The following MCTP1 variants were observed in gnomAD, a reference collection of about 807,000 sequenced individuals.
The protein encoded by MCTP1 is multiple C2 and transmembrane domain-containing protein 1.
MCTP1 carries 69 observed loss-of-function variants against 120.6 expected under a neutral mutation model. The observed-to-expected ratio is 0.57, with a 90% CI of 0.47 to 0.70. MCTP1 has a LOEUF of 0.70. Ranked by LOEUF, MCTP1 falls within the 30% of genes least tolerant of loss-of-function variation. The pLI is 0.00. For missense variants in MCTP1, 1,203 were observed against 1,248.8 expected (o/e 0.96, Z 0.55); for synonymous variants, 529 against 493.1 (o/e 1.07, Z -0.96).
intron 18 of MCTP1, among the ~76,000 whole-genome samples, chr5:94,785,299 ACT>A: frequency 1.3e-5 from 2 of 152,046 alleles, no homozygotes. Flanking sequence ...GTTTATTTGA[ACT>A]CTGTCTCCAT....
chr5:94,826,360 C>A, intron 17 of MCTP1: 1 of 573,130 alleles, frequency 1.7e-6, no homozygotes, highest in Non-Finnish European at 3.2e-6. Flanking sequence ...TTGATGAAGG[C>A]AAAGAAGCTG....
chr5:94,870,270 G>T, intron 16 of MCTP1, 147 bp downstream of exon 16: 1 of 583,784 alleles, frequency 1.7e-6, no homozygotes, highest in Non-Finnish European at 3.0e-6. Context: ...CAGAAAGAAT[G>T]AAAGAAAGCG....
At chr5:94,866,089 A>C (rs1796740025) in intron 17 of MCTP1, among the ~76,000 whole-genome samples, 1 of 151,930 alleles carries the variant, frequency 6.6e-6, no homozygotes, top group African/African-American at 2.4e-5. Context: ...GTACTAAGCT[A>C]TGTTTATCAT....
chr5:95,283,124 T>A (rs1760456624), intron 1 of MCTP1, among the ~76,000 whole-genome samples: 1 of 152,182 alleles, frequency 6.6e-6, no homozygotes, highest in South Asian at 2.1e-4. Context: ...ACATTGTGGG[T>A]CCCACACATA....
chr5:95,048,893 A>C lies in MCTP1; in HGVS notation c.721-31409T>G, dbSNP rs570256870. On this transcript the variant is annotated intron_variant, in intron 1 of 22. Coordinates refer to ENST00000515393, the MANE Select transcript of MCTP1 (RefSeq NM_024717.7). ...GGGGAAGTCAAATTTTATAGCAAAG[A>C]GCTCTTGATGCTTCAGTGCTTCAAT... Among the ~76,000 whole-genome samples the C allele has an allele frequency of 2.2e-4, 33 of 152,262 alleles. 1 individual carries two copies. In the South Asian group the frequency reaches 6.8e-3, roughly 32 times the overall value.
chr5:94,790,299 G>GC (rs1441238181), intron 18 of MCTP1, among the ~76,000 whole-genome samples: 2 of 152,200 alleles, frequency 1.3e-5, no homozygotes, highest in African/African-American at 4.8e-5. Context: ...CCAATGGGAG[G>GC]CCCAGGGAAG....
At chr5:95,022,979 C>G (rs1254822435) in intron 1 of MCTP1, among the ~76,000 whole-genome samples, 11 of 151,954 alleles carry the variant, frequency 7.2e-5, no homozygotes, top group Admixed American at 7.2e-4. Flanking sequence ...AGGACTTTGA[C>G]AAGTGAAGAT....
chr5:95,260,579 A>T (rs1225359526), intron 1 of MCTP1, among the ~76,000 whole-genome samples: 1 of 152,142 alleles, frequency 6.6e-6, no homozygotes, highest in East Asian at 1.9e-4. Context: ...GTGAGTGTAA[A>T]TATATATATG....
intron 6 of MCTP1, 65 bp from the exon 7 acceptor site, chr5:94,924,086 A>G (rs1243521098): frequency 1.1e-6 from 1 of 948,610 alleles, no homozygotes; most frequent in African/African-American, 1.7e-5. Context: ...TATTGTAAAT[A>G]CAAACAAATA....
At chr5:95,070,419 T>C (rs1751848501) in intron 1 of MCTP1, among the ~76,000 whole-genome samples, 2 of 152,234 alleles carry the variant, frequency 1.3e-5, no homozygotes, top group South Asian at 4.1e-4. Flanking sequence ...GCAGTACAGA[T>C]TGGGGGATAC....
At chr5:95,044,986 A>G (rs1842932068) in intron 1 of MCTP1, among the ~76,000 whole-genome samples, 1 of 152,160 alleles carries the variant, frequency 6.6e-6, no homozygotes, top group Non-Finnish European at 1.5e-5. Context: ...AAAACTTTTT[A>G]GTGAACTTCC....
intron 1 of MCTP1, among the ~76,000 whole-genome samples, chr5:95,140,093 C>A (rs1201823886): frequency 6.6e-6 from 1 of 152,182 alleles, no homozygotes; most frequent in East Asian, 1.9e-4. Context: ...GCTTCCAATG[C>A]AGACAAGATT....
chr5:95,108,968 A>G (rs2152385078), intron 1 of MCTP1, among the ~76,000 whole-genome samples: 1 of 152,362 alleles, frequency 6.6e-6, no homozygotes. Context: ...AAGAAATCAC[A>G]AAAGTAGTAT....
intron 17 of MCTP1, among the ~76,000 whole-genome samples, chr5:94,841,197 G>T (rs1790960512): frequency 6.6e-6 from 1 of 152,146 alleles, no homozygotes; most frequent in African/African-American, 2.4e-5. Flanking sequence ...GGAATAGAAA[G>T]GCATATCCCC....
At chr5:95,263,944 T>C (rs1166423061) in intron 1 of MCTP1, among the ~76,000 whole-genome samples, 2 of 152,218 alleles carry the variant, frequency 1.3e-5, no homozygotes, top group Non-Finnish European at 2.9e-5. Flanking sequence ...TCCCTTGCAC[T>C]GTTTCTTCTC....
chr5:95,122,269 A>C (rs1175571981), intron 1 of MCTP1, among the ~76,000 whole-genome samples: 1 of 151,852 alleles, frequency 6.6e-6, no homozygotes, highest in East Asian at 1.9e-4. Context: ...GTTAATAATC[A>C]GAATATATAA....
chr5:95,175,439 T>C (rs536740320), intron 1 of MCTP1, among the ~76,000 whole-genome samples: 2 of 152,186 alleles, frequency 1.3e-5, no homozygotes, highest in East Asian at 3.9e-4. Context: ...TCAACAAACA[T>C]TGGTACCCTT....
chr5:95,268,161 T>A (rs1759059918), intron 1 of MCTP1, among the ~76,000 whole-genome samples: 1 of 152,244 alleles, frequency 6.6e-6, no homozygotes, highest in Admixed American at 6.5e-5. Flanking sequence ...TTTTTTAATG[T>A]AATGGATGTT....
intron 17 of MCTP1, among the ~76,000 whole-genome samples, chr5:94,847,241 G>A (rs1269252691): frequency 6.6e-6 from 1 of 152,144 alleles, no homozygotes; most frequent in Non-Finnish European, 1.5e-5. Context: ...AACTTATTCA[G>A]AGTTCCATGC....
Sources: allele counts gnomAD v4.1 joint callset (sites outside exome capture counted in the v4.1 genomes callset), GRCh38; gene constraint gnomAD v4.1.1; transcripts MANE v1.5; gene names NCBI Gene and HGNC (gene_info 2026-07-23, HGNC 2026-07-21).